HSPA13: variants seen among roughly 807,000 people sequenced by gnomAD.
HSPA13 encodes heat shock protein family A (Hsp70) member 13, also known as heat shock 70 kDa protein 13.
HSPA13 carries 29 observed loss-of-function variants against 38.8 expected under a neutral mutation model. The observed-to-expected ratio is 0.75, with a 90% CI of 0.56 to 1.02. HSPA13 has a LOEUF of 1.02. Among genes scored for constraint, HSPA13 ranks in the 50% least tolerant of loss-of-function variants. The probability of loss-of-function intolerance (pLI) is 0.00; values close to 1 mark genes in which losing one functional copy is unlikely to be tolerated. For synonymous variants in HSPA13, 192 were observed against 205.3 expected, an observed-to-expected ratio of 0.94 and a Z score of 0.56; for missense variants, 451 against 560.9, an observed-to-expected ratio of 0.80 and a Z score of 1.98.
Position 14,372,532 on chromosome 21 carries a change from ACTAAC to A in HSPA13, c.*1080_*1084del, listed in dbSNP as rs1982851275. 6.6e-6 allele frequency: 1 copy of A among 152,132 alleles called. No homozygotes were observed. The highest frequency in any genetic ancestry group is 1.5e-5 in the Non-Finnish European group (1 of 67,972). The allele number at this position is 152,132 out of a possible 1,614,324, so 9.4% of individuals were successfully genotyped here. On this transcript the variant is annotated 3_prime_UTR_variant, in exon 5 of 5. Transcript: ENST00000285667. ...CACAAATTTTTTGCTTTCATTACAA[ACTAAC>A]CTAATGTTTGAAAAGAGTCCAAGTG... is the stretch of plus-strand genomic sequence containing the variant.
In HSPA13 at chr21:14,382,907, G is replaced by C. The variant is rs145262937; in HGVS notation, c.25+188C>G. ...TCCTACCTTGGCCTGCAGGGGCCGG[G>C]GCCCTCCTAGAGGCGTCCCCGCCCC... On this transcript the variant is annotated intron_variant, in intron 1 of 4. Transcript: ENST00000285667. Among the ~76,000 whole-genome samples the C allele has an allele frequency of 4.6e-5, 7 of 152,180 alleles. No individual in the cohort carries two copies. The East Asian group carries it at 1.4e-3, about 30-fold the overall frequency.
Position 14,372,683 on chromosome 21 carries a change from A to G in HSPA13, c.*934T>C, listed in dbSNP as rs1335255475. 1 of 152,208 alleles carries G rather than the reference A, an allele frequency of 6.6e-6. No individual in the cohort carries two copies. Among genetic ancestry groups the G allele is most frequent in the Non-Finnish European group, 1.5e-5 (1 of 67,996 alleles). The allele number at this position is 152,208 out of a possible 1,614,324, so 9.4% of individuals were successfully genotyped here. A position where few individuals can be genotyped will look rare whatever the true frequency, so the allele number is the denominator to read the frequency against. Reference sequence around the variant, plus strand: ...TAAAACGGAACCAAAACCATTTAGTAGCTCAATTCCATGCTATATTCCCCA... The same window carrying G: ...TAAAACGGAACCAAAACCATTTAGTGGCTCAATTCCATGCTATATTCCCCA... On this transcript the variant is annotated 3_prime_UTR_variant, in exon 5 of 5. Transcript: ENST00000285667.
In HSPA13 at chr21:14,372,795, A is replaced by C. The variant is rs1474057774; in HGVS notation, c.*822T>G. ...TGTTTGCAAAGGTCTCGGATAACAA[A>C]AATAAGATAGCAATCATGGCTTTAT... On this transcript the variant is annotated 3_prime_UTR_variant, in exon 5 of 5. Transcript: ENST00000285667. 2 of 152,126 alleles carry C rather than the reference A, an allele frequency of 1.3e-5. No individual in the cohort carries two copies. Among genetic ancestry groups the C allele is most frequent in the Admixed American group, 6.5e-5 (1 of 15,276 alleles). The allele number at this position is 152,126 out of a possible 1,614,324, so 9.4% of individuals were successfully genotyped here.
Position 14,371,947 on chromosome 21 carries a change from T to C in HSPA13, c.*1670A>G, listed in dbSNP as rs554430028. The C allele has an allele frequency of 7.2e-5, 11 of 152,678 alleles. No individual in the cohort carries two copies. In the East Asian group the frequency reaches 2.1e-3, roughly 29 times the overall value. The allele number at this position is 152,678 out of a possible 1,614,324, so 9.5% of individuals were successfully genotyped here. On this transcript the variant is annotated 3_prime_UTR_variant, in exon 5 of 5. Transcript: ENST00000285667. ...ATCTTTGGCATTTCTCCATTCATTC[T>C]AAAATAAGATACTTCAACAAACATT...
In HSPA13 at chr21:14,378,209, A is replaced by G; in HGVS notation, c.570T>C (p.Ala190=). Residue 190 remains alanine (A), a synonymous_variant, in exon 3 of 5, where the codon GCT becomes GCC. Coordinates refer to ENST00000285667, the MANE Select transcript of HSPA13 (RefSeq NM_006948.5). ...LKQRNSTIEA[A]NLAGLKILRV... ...CAAGGGTACTGTTACCTGCAAGGTTAGCAGCTTCAATTGTTGAATTTCTCT... is the reference window on the plus strand; with the variant it reads ...CAAGGGTACTGTTACCTGCAAGGTTGGCAGCTTCAATTGTTGAATTTCTCT... 1 of 1,613,580 alleles carries G rather than the reference A, an allele frequency of 6.2e-7. No homozygotes were observed. The highest frequency in any genetic ancestry group is 1.3e-5 in the African/African-American group (1 of 75,056).
intron 2 of HSPA13, among the ~76,000 whole-genome samples, chr21:14,378,860 C>T (rs956111918): frequency 2.8e-4 from 43 of 151,852 alleles, no homozygotes; most frequent in African/African-American, 4.1e-4. Flanking sequence ...CCTTGTGATC[C>T]GCTCACCTCA....
In HSPA13 at chr21:14,375,826, G is replaced by A. The variant is rs550706378; in HGVS notation, c.581-7C>T. 4 of 1,611,666 alleles carry A rather than the reference G, an allele frequency of 2.5e-6. No individual in the cohort carries two copies. In the African/African-American group the frequency reaches 4.0e-5, roughly 16 times the overall value. ...ACCCTCAAAATCTTCAGTCCTGTAAGATTGGTTAAGGGAAGAAAAATTCAT... is the reference window on the plus strand; with the variant it reads ...ACCCTCAAAATCTTCAGTCCTGTAAAATTGGTTAAGGGAAGAAAAATTCAT... On this transcript the variant is annotated splice_polypyrimidine_tract_variant and splice_region_variant and intron_variant, in intron 3 of 4. Coordinates refer to ENST00000285667, the MANE Select transcript of HSPA13 (RefSeq NM_006948.5).
chr21:14,381,494 A>G lies in HSPA13; in HGVS notation c.75T>C (p.Tyr25=), dbSNP rs1427816535. The G allele has an allele frequency of 1.9e-6, 3 of 1,609,684 alleles. No homozygotes were observed. In the African/African-American group the frequency reaches 4.0e-5, roughly 21 times the overall value. ...LLLAGYLAQQ[Y]LPLPTPKVIG... ...TCACTTTAGGAGTAGGCAATGGTAA[A>G]TACTGTTGTGCCAAATAGCCGGCCA... Residue 25 remains tyrosine (Y), a synonymous_variant, in exon 2 of 5, where the codon TAT becomes TAC. Transcript: ENST00000285667.
At position 14,381,515 on chromosome 21, in the gene HSPA13, G is replaced by A. The variant is rs1383721605; in HGVS notation, c.54C>T (p.Ala18=). The A allele has an allele frequency of 1.6e-5, 25 of 1,598,932 alleles. No homozygotes were observed. Among genetic ancestry groups the A allele is most frequent in the East Asian group, 9.0e-5 (4 of 44,494 alleles). The stretch of plus-strand genomic sequence containing the variant: ...GTAAATACTGTTGTGCCAAATAGCC[G>A]GCCAACAGGAGAGTCAAAACAGCCG... ...LGSAVLTLLL[A]GYLAQQYLPL... Residue 18 remains alanine, a synonymous_variant, in exon 2 of 5, where the codon GCC becomes GCT. Transcript: ENST00000285667.
rs1181214216 is a variant in HSPA13, at chr21:14,372,512, A to T, written c.*1105T>A. The T allele has an allele frequency of 2.0e-5, 3 of 152,066 alleles. No individual in the cohort carries two copies. The highest frequency in any genetic ancestry group is 2.1e-4 in the South Asian group (1 of 4,832). 9.4% of individuals were successfully genotyped at this position (152,066 alleles called of 1,614,324 possible). ...TCCACGTTACTTCCAGTATTCACAA[A>T]TTTTTTGCTTTCATTACAAACTAAC... On this transcript the variant is annotated 3_prime_UTR_variant, in exon 5 of 5. Transcript: ENST00000285667.
chr21:14,380,653 T>C (rs1428638213), intron 2 of HSPA13, among the ~76,000 whole-genome samples: 3 of 152,134 alleles, frequency 2.0e-5, no homozygotes, highest in South Asian at 2.1e-4. Flanking sequence ...GCATTCAAGT[T>C]AGGAAACTTT....
At chr21:14,382,865 C>T (rs1984207643) in intron 1 of HSPA13, among the ~76,000 whole-genome samples, 1 of 152,122 alleles carries the variant, frequency 6.6e-6, no homozygotes, top group Non-Finnish European at 1.5e-5. Context: ...GGGATGGACA[C>T]AGCTGGTCGC....
chr21:14,372,168 G>A lies in HSPA13; in HGVS notation c.*1449C>T, dbSNP rs890959305. On this transcript the variant is annotated 3_prime_UTR_variant, in exon 5 of 5. Coordinates refer to ENST00000285667, the MANE Select transcript of HSPA13 (RefSeq NM_006948.5). ...TGAATTTGCTCAGTTTCCTTTTTTG[G>A]TGACCAGCATTTCAACATCCTATCG... The A allele has an allele frequency of 6.6e-6, 1 of 151,424 alleles. No individual in the cohort carries two copies. The highest frequency in any genetic ancestry group is 2.4e-5 in the African/African-American group (1 of 41,240). The allele number at this position is 151,424 out of a possible 1,614,324, so 9.4% of individuals were successfully genotyped here.
chr21:14,382,319 T>TA (rs907305285), intron 1 of HSPA13, among the ~76,000 whole-genome samples: 74 of 147,166 alleles, frequency 5.0e-4, no homozygotes, highest in African/African-American at 1.5e-3. Flanking sequence ...AATACTAATT[T>TA]AAAAAAAAAA....
intron 2 of HSPA13, 115 bp downstream of exon 2, chr21:14,381,088 C>T: frequency 2.5e-6 from 2 of 784,828 alleles, no homozygotes; most frequent in Non-Finnish European, 4.0e-6. Flanking sequence ...GATAACAGAA[C>T]TTTCATGTAT....
intron 2 of HSPA13, among the ~76,000 whole-genome samples, chr21:14,380,257 C>A (rs1219302784): frequency 3.3e-5 from 5 of 150,012 alleles, no homozygotes. Flanking sequence ...ACTTTGACAT[C>A]CAGCTCAAAA....
chr21:14,381,583 T>C lies in HSPA13; in HGVS notation c.26-40A>G, dbSNP rs557282645. 8 of 1,457,312 alleles carry C rather than the reference T, an allele frequency of 5.5e-6. No homozygotes were observed. In the African/African-American group the frequency reaches 9.9e-5, roughly 18 times the overall value. The allele number at this position is 1,457,312 out of a possible 1,614,324, so 90.3% of individuals were successfully genotyped here. A position where few individuals can be genotyped will look rare whatever the true frequency, so the allele number is the denominator to read the frequency against. ...AATTAAAAGATGTATTTTATCAAAC[T>C]AGTACAATGTACTAAATTACTGTAG... On this transcript the variant is annotated intron_variant, in intron 1 of 4. Transcript: ENST00000285667.
Position 14,375,763 on chromosome 21 carries a change from G to C in HSPA13, c.637C>G (p.Leu213Val), listed in dbSNP as rs755602018. 2.5e-6 allele frequency: 4 copies of C among 1,614,040 alleles called. No homozygotes were observed. In the South Asian group the frequency reaches 4.4e-5, roughly 18 times the overall value. ...EPTAAAMAYG[L>V]HKADVFHVLV... ...ACGTGGAAGACGTCAGCCTTGTGGA[G>C]ACCATAGGCCATAGCTGCTGCTGTG... Residue 213 changes from leucine (L) to valine (V), a missense_variant, in exon 4 of 5, where the codon CTC becomes GTC. Coordinates refer to ENST00000285667, the MANE Select transcript of HSPA13 (RefSeq NM_006948.5).
At chr21:14,382,229 G>A (rs1984187466) in intron 1 of HSPA13, among the ~76,000 whole-genome samples, 1 of 152,088 alleles carries the variant, frequency 6.6e-6, no homozygotes, top group Admixed American at 6.5e-5. Context: ...AACCCTGACG[G>A]CAACATCTAT....
Sources: gnomAD v4.1 joint callset for allele counts (sites outside exome capture counted in the v4.1 genomes callset) on GRCh38, gnomAD v4.1.1 for gene constraint, MANE v1.5 for transcripts, NCBI Gene and HGNC (gene_info 2026-07-23, HGNC 2026-07-21) for gene names.